Variants in RASGRP4 observed in about 807,000 individuals in gnomAD.
RASGRP4 encodes the protein RAS guanyl releasing protein 4, also known as RAS guanyl-releasing protein 4.
In RASGRP4, 52 loss-of-function variants were observed where a neutral mutation model predicts 84.4. That is an observed-to-expected ratio of 0.62 (90% CI 0.49 to 0.78). The LOEUF (loss-of-function observed/expected upper bound fraction) is 0.78, where lower values mean the gene tolerates loss of function less well. Ranked by LOEUF, RASGRP4 falls within the 30% of genes least tolerant of loss-of-function variation. The pLI, the probability that RASGRP4 is intolerant of heterozygous loss-of-function variation, is 0.00. For synonymous variants in RASGRP4, 356 were observed against 359.1 expected (o/e 0.99, Z 0.10); for missense variants, 760 against 886.9 (o/e 0.86, Z 1.82).
rs1277397142 is a variant in RASGRP4, at chr19:38,420,296, G to A, written c.378-34C>T. On this transcript the variant is annotated intron_variant, in intron 4 of 16. Coordinates refer to ENST00000615439, the MANE Select transcript of RASGRP4 (RefSeq NM_170604.3). ...GGTTTGGAGATGGTGAGATGAGGCC[G>A]GGGGTGGCGAAGGTCTCTACAAGGG... The A allele has an allele frequency of 3.7e-6, 6 of 1,604,486 alleles. No homozygotes were observed. In the Admixed American group the frequency reaches 6.8e-5, roughly 18 times the overall value.
At chr19:38,419,313 C>T (rs554654815) in intron 6 of RASGRP4, among the ~76,000 whole-genome samples, 6 of 152,204 alleles carry the variant, frequency 3.9e-5, no homozygotes, top group Non-Finnish European at 8.8e-5. Context: ...CCCCTTTTTA[C>T]AGATGAGGAA....
In RASGRP4 at chr19:38,417,073, G is replaced by A. The variant is rs1275709823; in HGVS notation, c.933C>T (p.His311=). Residue 311 remains histidine, a synonymous_variant, in exon 8 of 17, where the codon CAC becomes CAT. Transcript: ENST00000615439. This position sits in a 1 kb window ranked among gnomAD's most constrained non-coding sequence, Gnocchi z 5.1. The part of the protein sequence containing the change: ...AISRLKDSHA[H]LSPDSTKALL... ...TCACCTTGGTGCTGTCAGGGCTCAG[G>A]TGGGCATGGGAGTCCTTGAGTCTGG... The A allele has an allele frequency of 3.9e-6, 6 of 1,557,768 alleles. No homozygotes were observed. The highest frequency in any genetic ancestry group is 5.2e-6 in the Non-Finnish European group (6 of 1,149,588).
Position 38,410,867 on chromosome 19 carries a change from A to T in RASGRP4, c.1965+19T>A, listed in dbSNP as rs1325772687. On this transcript the variant is annotated intron_variant, in intron 16 of 16. Transcript: ENST00000615439. ...GTGTCCCCTGTATCCACTTGGGGGTAGGGGCGGTTTCTCCTCACCGTATCT... is the reference window on the plus strand; with the variant it reads ...GTGTCCCCTGTATCCACTTGGGGGTTGGGGCGGTTTCTCCTCACCGTATCT... The T allele has an allele frequency of 6.5e-7, 1 of 1,535,872 alleles. No individual in the cohort carries two copies. Among genetic ancestry groups the T allele is most frequent in the Non-Finnish European group, 8.9e-7 (1 of 1,125,992 alleles).
intron 15 of RASGRP4, 24 bp from the exon 16 acceptor site, chr19:38,411,022 A>G (rs1971227742): frequency 6.2e-7 from 1 of 1,608,902 alleles, no homozygotes; most frequent in South Asian, 1.1e-5. Flanking sequence ...GATGGAAGGG[A>G]TGTGGGTCTG....
Position 38,420,899 on chromosome 19 carries a change from C to A in RASGRP4, c.377+9G>T. 6.3e-7 allele frequency: 1 copy of A among 1,587,034 alleles called. No individual in the cohort carries two copies. Among genetic ancestry groups the A allele is most frequent in the Non-Finnish European group, 8.6e-7 (1 of 1,167,042 alleles). On this transcript the variant is annotated intron_variant, in intron 4 of 16. Coordinates refer to ENST00000615439, the MANE Select transcript of RASGRP4 (RefSeq NM_170604.3). ...GGTCCTGAGAGTGGGGATCTCGGCC[C>A]AGCCCTACCTGACCAGGTGACAGAT... is the stretch of plus-strand genomic sequence containing the variant.
rs552740608 is a variant in RASGRP4 at position 38,409,737 on chromosome 19, C to CAA, written c.*301_*302dup. On this transcript the variant is annotated 3_prime_UTR_variant, in exon 17 of 17. Coordinates refer to ENST00000615439, the MANE Select transcript of RASGRP4 (RefSeq NM_170604.3). ...TGGGTGACAGAGCAAGACTCTGTCT[C>CAA]AAAAAAAAAAAGAAATGGAGATGTA... The CAA allele has an allele frequency of 6.3e-4, 114 of 181,486 alleles. No homozygotes were observed. Among genetic ancestry groups the CAA allele is most frequent in the East Asian group, 9.4e-4 (8 of 8,540 alleles). 11.2% of individuals were successfully genotyped at this position (181,486 alleles called of 1,614,324 possible). A position where few individuals can be genotyped will look rare whatever the true frequency, so the allele number is the denominator to read the frequency against.
chr19:38,420,004 A>T lies in RASGRP4; in HGVS notation c.519T>A (p.Pro173=). Residue 173 remains proline, a synonymous_variant, in exon 6 of 17, where the codon CCT becomes CCA. Transcript: ENST00000615439. ...RLGDSSDLLS[P]GGPGPPLPMS... ...TTGGGAGTGGGGGGCCAGGGCCACC[A>T]GGGCTCAGGCTGGGGGCCAAGAGGG... is the stretch of plus-strand genomic sequence containing the variant. The T allele has an allele frequency of 6.2e-7, 1 of 1,613,738 alleles. No individual in the cohort carries two copies. The highest frequency in any genetic ancestry group is 8.5e-7 in the Non-Finnish European group (1 of 1,179,686).
chr19:38,417,151 C>A lies in RASGRP4; in HGVS notation c.855G>T (p.Gln285His). 6.4e-7 allele frequency: 1 copy of A among 1,559,244 alleles called. No individual in the cohort carries two copies. Residue 285 changes from glutamine to histidine, a missense_variant, in exon 8 of 17, where the codon CAG becomes CAT. Physicochemically the swap from Gln to His is conservative, Grantham distance 24. Transcript: ENST00000615439. The surrounding 1 kb of genome is among the most constrained non-coding windows in gnomAD (Gnocchi z 5.1). ...IHVAQRLHQLQNFNTLMAVTG... is the reference protein window; with the variant it reads ...IHVAQRLHQLHNFNTLMAVTG... Reference sequence around the variant, plus strand: ...TGACTGCCATCAGCGTGTTGAAATTCTGCAGCTGGTGGAGCCTCTAGGAAG... The same window carrying A: ...TGACTGCCATCAGCGTGTTGAAATTATGCAGCTGGTGGAGCCTCTAGGAAG...
In RASGRP4 at chr19:38,418,839, T is replaced by C. The variant is rs773865449; in HGVS notation, c.664-275A>G. Among the ~76,000 whole-genome samples the C allele has an allele frequency of 5.3e-5, 8 of 152,352 alleles. No individual in the cohort carries two copies. Among genetic ancestry groups the C allele is most frequent in the Non-Finnish European group, 1.0e-4 (7 of 68,032 alleles). On this transcript the variant is annotated intron_variant, in intron 6 of 16. Coordinates refer to ENST00000615439, the MANE Select transcript of RASGRP4 (RefSeq NM_170604.3). The surrounding 1 kb of genome is among the most constrained non-coding windows in gnomAD (Gnocchi z 4.6). Reference sequence around the variant, plus strand: ...TCATAACTCTATGAGGTGAGTATCATTCCATTTTAGAGGTGAGACAGTTGA... The same window carrying C: ...TCATAACTCTATGAGGTGAGTATCACTCCATTTTAGAGGTGAGACAGTTGA...
Position 38,412,484 on chromosome 19 carries a change from G to A in RASGRP4, c.1680+188C>T. On this transcript the variant is annotated intron_variant, in intron 13 of 16. Transcript: ENST00000615439. This position sits in a 1 kb window ranked among gnomAD's most constrained non-coding sequence, Gnocchi z 4.6. ...AATTGTCTGGGGTGGACATTATCTG[G>A]GATTTTGGGATTATCTGGCATTTGG... 4.9e-6 allele frequency: 3 copies of A among 617,816 alleles called. No homozygotes were observed. The highest frequency in any genetic ancestry group is 8.4e-6 in the Non-Finnish European group (3 of 358,926). 38.3% of individuals were successfully genotyped at this position (617,816 alleles called of 1,614,324 possible).
chr19:38,420,848 G>T, intron 4 of RASGRP4, 60 bp downstream of exon 4: 1 of 1,529,590 alleles, frequency 6.5e-7, no homozygotes, highest in Non-Finnish European at 9.1e-7. Context: ...AATGTTTTTT[G>T]AGGGGGAAGC....
chr19:38,412,841 C>G lies in RASGRP4; in HGVS notation c.1536-25G>C. ...CCTGGGGGCAGAAACTGAGCCTCAG[C>G]ATGACCTGCCCCAACGTCCTCCAGA... On this transcript the variant is annotated intron_variant, in intron 12 of 16. Coordinates refer to ENST00000615439, the MANE Select transcript of RASGRP4 (RefSeq NM_170604.3). The surrounding 1 kb of genome is among the most constrained non-coding windows in gnomAD (Gnocchi z 4.6). The G allele has an allele frequency of 6.2e-7, 1 of 1,610,692 alleles. No homozygotes were observed.
rs1486435217 is a variant in RASGRP4, at chr19:38,409,145, G to C, written c.*895C>G. 1 of 334,248 alleles carries C rather than the reference G, an allele frequency of 3.0e-6. No individual in the cohort carries two copies. Among genetic ancestry groups the C allele is most frequent in the African/African-American group, 2.2e-5 (1 of 45,150 alleles). The allele number at this position is 334,248 out of a possible 1,614,324, so 20.7% of individuals were successfully genotyped here. A position where few individuals can be genotyped will look rare whatever the true frequency, so the allele number is the denominator to read the frequency against. ...GGTGTTGGGGTTTGTGAAGGGGTTG[G>C]GGGGGTCTCTGCTCCCTGGGACTGA... On this transcript the variant is annotated 3_prime_UTR_variant, in exon 17 of 17. Coordinates refer to ENST00000615439, the MANE Select transcript of RASGRP4 (RefSeq NM_170604.3).
Position 38,421,219 on chromosome 19 carries a change from T to TA in RASGRP4, c.209-20dup, listed in dbSNP as rs760325151. The TA allele has an allele frequency of 2.4e-5, 37 of 1,564,474 alleles. No homozygotes were observed. In the South Asian group the frequency reaches 4.0e-4, roughly 17 times the overall value. ...GCTGAATCTGGGGTGGAAGGAGGGG[T>TA]ACTCTGTGACAGAATGGCCCTCAAG... On this transcript the variant is annotated intron_variant, in intron 2 of 16. Coordinates refer to ENST00000615439, the MANE Select transcript of RASGRP4 (RefSeq NM_170604.3).
rs1447151784 is a variant in RASGRP4 at position 38,417,341 on chromosome 19, G to A, written c.838-173C>T. 7.2e-5 allele frequency among the ~76,000 whole-genome samples: 11 copies of A among 152,170 alleles called. No homozygotes were observed. The highest frequency in any genetic ancestry group is 1.6e-4 in the Non-Finnish European group (11 of 68,022). ...CAAGAGTGGGACATGCCATGTGTGG[G>A]CCTCACAGGGGTGTCAGATGGCTAT... On this transcript the variant is annotated intron_variant, in intron 7 of 16. Coordinates refer to ENST00000615439, the MANE Select transcript of RASGRP4 (RefSeq NM_170604.3). The surrounding 1 kb of genome is among the most constrained non-coding windows in gnomAD (Gnocchi z 5.1).
In RASGRP4 at chr19:38,422,151, T is replaced by A. The variant is rs1971786181; in HGVS notation, c.26A>T (p.Lys9Met). 6.2e-7 allele frequency: 1 copy of A among 1,607,780 alleles called. No homozygotes were observed. Among genetic ancestry groups the A allele is most frequent in the Non-Finnish European group, 8.5e-7 (1 of 1,177,514 alleles). Residue 9 changes from lysine (K) to methionine (M), a missense_variant and splice_region_variant, in exon 2 of 17, where the codon AAG (lysine) becomes ATG (methionine). Physicochemically the swap from Lys to Met is moderately conservative, Grantham distance 95. Coordinates refer to ENST00000615439, the MANE Select transcript of RASGRP4 (RefSeq NM_170604.3). ...TTTTCCGGTGCATTCCTGGTGGGAC[T>A]TCCTGTGGGCACAGCCCCCAAGGAG... is the stretch of plus-strand genomic sequence containing the variant. MNRKDSKRKSHQECTGKIG... is the reference protein window; with the variant it reads MNRKDSKRMSHQECTGKIG...
chr19:38,411,347 C>G lies in RASGRP4; in HGVS notation c.1715G>C (p.Arg572Pro). 1.9e-6 allele frequency: 3 copies of G among 1,601,286 alleles called. No individual in the cohort carries two copies. Among genetic ancestry groups the G allele is most frequent in the Non-Finnish European group, 2.6e-6 (3 of 1,173,790 alleles). ...WGVTKQGYRCRECGLCCHKHC... is the reference protein window; with the variant it reads ...WGVTKQGYRCPECGLCCHKHC... Reference sequence around the variant, plus strand: ...CCACTCACTGACACCCCACTCACCCCGACAGCGGTAGCCTTGCTTGGTGAC... The same window carrying G: ...CCACTCACTGACACCCCACTCACCCGGACAGCGGTAGCCTTGCTTGGTGAC... Residue 572 changes from arginine (R) to proline (P), a missense_variant and splice_region_variant, in exon 14 of 17, where the codon CGG (arginine) becomes CCG (proline). Physicochemically the swap from Arg to Pro is moderately radical, Grantham distance 103. Coordinates refer to ENST00000615439, the MANE Select transcript of RASGRP4 (RefSeq NM_170604.3).
chr19:38,413,528 C>T lies in RASGRP4; in HGVS notation c.1231-54G>A, dbSNP rs74681435. On this transcript the variant is annotated intron_variant, in intron 9 of 16. Coordinates refer to ENST00000615439, the MANE Select transcript of RASGRP4 (RefSeq NM_170604.3). This position sits in a 1 kb window ranked among gnomAD's most constrained non-coding sequence, Gnocchi z 4.7. ...TCCCATCTATAGCCCTGCCCCAGAC[C>T]CCCACACCCACTCGCAGGCTCTTCC... The T allele has an allele frequency of 8.9e-4, 1,273 of 1,437,496 alleles. 11 individuals carry two copies. The African/African-American group carries it at 0.017, about 19-fold the overall frequency. The allele number at this position is 1,437,496 out of a possible 1,614,324, so 89.0% of individuals were successfully genotyped here.
At chr19:38,424,189 A>G (rs970111170) in intron 1 of RASGRP4, among the ~76,000 whole-genome samples, 2 of 151,760 alleles carry the variant, frequency 1.3e-5, no homozygotes, top group Non-Finnish European at 2.9e-5. Flanking sequence ...GTGCGATCTC[A>G]GCTCACTGCA....
Sources: gnomAD v4.1 joint callset for allele counts (sites outside exome capture counted in the v4.1 genomes callset) on GRCh38, gnomAD v4.1.1 for gene constraint, Gnocchi (gnomAD v3.1) non-coding constraint, MANE v1.5 for transcripts, NCBI Gene and HGNC (gene_info 2026-07-23, HGNC 2026-07-21) for gene names.